The following CCDC148 variants were observed in gnomAD, a reference collection of about 807,000 sequenced individuals.
CCDC148 encodes coiled-coil domain-containing protein 148.
A neutral mutation model predicts 85.7 loss-of-function variants in CCDC148; 89 were observed. The ratio of observed to expected loss-of-function variants is 1.04; its 90% CI spans 0.87 to 1.24. The LOEUF is 1.24. Among genes scored for constraint, CCDC148 ranks in the 50% most tolerant of loss-of-function variants. The pLI, the probability that CCDC148 is intolerant of heterozygous loss-of-function variation, is 0.00. For missense variants in CCDC148, 692 were observed against 671.7 expected, an observed-to-expected ratio of 1.03 and a Z score of -0.33; for synonymous variants, 230 against 213.9, an observed-to-expected ratio of 1.08 and a Z score of -0.66.
intron 11 of CCDC148, among the ~76,000 whole-genome samples, chr2:158,202,320 T>C (rs1686009845): frequency 6.6e-6 from 1 of 152,166 alleles, no homozygotes; most frequent in Non-Finnish European, 1.5e-5. Context: ...TACATAAGGC[T>C]CTGAGTGTTA....
At chr2:158,387,634 T>C (rs1387102740) in intron 1 of CCDC148, among the ~76,000 whole-genome samples, 1 of 152,100 alleles carries the variant, frequency 6.6e-6, no homozygotes, top group Admixed American at 6.6e-5. Flanking sequence ...TTCCTCACTC[T>C]GACTCCCCAT....
rs370301211 is a variant in CCDC148 at position 158,242,633 on chromosome 2, G to GTTT, written c.1251+8136_1251+8138dup. On this transcript the variant is annotated intron_variant, in intron 10 of 13. Transcript: ENST00000283233. ...TTCCACATCTGCTACCCACTCTGTA[G>GTTT]TTTTTTTTTTTTTTTCTCCTTCCAC... 7.6e-3 allele frequency among the ~76,000 whole-genome samples: 1,063 copies of GTTT among 139,030 alleles called. 22 individuals are homozygous for GTTT. The highest frequency in any genetic ancestry group is 0.026 in the African/African-American group (995 of 37,714). 91.2% of individuals were successfully genotyped at this position (139,030 alleles called of 152,430 possible).
Position 158,281,876 on chromosome 2 carries a change from C to T in CCDC148, c.1110+27557G>A, listed in dbSNP as rs1182320978. 2.0e-5 allele frequency among the ~76,000 whole-genome samples: 3 copies of T among 152,214 alleles called. No homozygotes were observed. The East Asian group carries it at 5.8e-4, about 29-fold the overall frequency. On this transcript the variant is annotated intron_variant, in intron 9 of 13. Coordinates refer to ENST00000283233, the MANE Select transcript of CCDC148 (RefSeq NM_138803.4). ...TGATGAACATTGATGCAAAAATCCT[C>T]AATAAAATACTGGCAAACCGAATCC... is the stretch of plus-strand genomic sequence containing the variant.
At chr2:158,311,331 C>T (rs1422682816) in intron 8 of CCDC148, among the ~76,000 whole-genome samples, 2 of 152,158 alleles carry the variant, frequency 1.3e-5, no homozygotes, top group African/African-American at 2.4e-5. Context: ...ACCAGTCAGG[C>T]GTGGCGGCGC....
intron 1 of CCDC148, among the ~76,000 whole-genome samples, chr2:158,379,635 A>G (rs1574722597): frequency 6.6e-6 from 1 of 152,026 alleles, no homozygotes; most frequent in Non-Finnish European, 1.5e-5. Context: ...AGCTACCCCA[A>G]CCTTCCTCAG....
At chr2:158,185,580 G>C (rs988089748) in intron 11 of CCDC148, among the ~76,000 whole-genome samples, 1 of 152,046 alleles carries the variant, frequency 6.6e-6, no homozygotes, top group African/African-American at 2.4e-5. Context: ...CTGGAAGTGA[G>C]AGATACAAAC....
At chr2:158,345,024 T>C (rs778247474) in intron 3 of CCDC148, among the ~76,000 whole-genome samples, 191 bp downstream of exon 3, 1 of 152,140 alleles carries the variant, frequency 6.6e-6, no homozygotes, top group Non-Finnish European at 1.5e-5. Context: ...GCAAAAGCCA[T>C]ATTAATATAT....
At chr2:158,405,429 A>C (rs1439176041) in intron 1 of CCDC148, among the ~76,000 whole-genome samples, 1 of 152,176 alleles carries the variant, frequency 6.6e-6, no homozygotes, top group Non-Finnish European at 1.5e-5. Flanking sequence ...ACATTCAATA[A>C]GTCTAAATGA....
intron 3 of CCDC148, among the ~76,000 whole-genome samples, chr2:158,342,016 A>ATT (rs1559083849): frequency 9.7e-5 from 10 of 102,868 alleles, no homozygotes; most frequent in Non-Finnish European, 1.6e-4. Context: ...ACGTGTCATT[A>ATT]TTTTCTTTTC....
At chr2:158,255,298 A>G (rs1163680886) in intron 9 of CCDC148, among the ~76,000 whole-genome samples, 1 of 151,362 alleles carries the variant, frequency 6.6e-6, no homozygotes, top group Non-Finnish European at 1.5e-5. Flanking sequence ...GGTACCAGGA[A>G]AAAAAAAGGG....
intron 11 of CCDC148, among the ~76,000 whole-genome samples, chr2:158,197,859 A>C (rs1469194805): frequency 6.6e-6 from 1 of 152,092 alleles, no homozygotes; most frequent in Non-Finnish European, 1.5e-5. Flanking sequence ...AAAGGTAAAA[A>C]CCACTAAATG....
chr2:158,448,799 G>A (rs575802382), intron 1 of CCDC148, among the ~76,000 whole-genome samples: 1 of 151,938 alleles, frequency 6.6e-6, no homozygotes, highest in Admixed American at 6.6e-5. Context: ...ATTATAAGTG[G>A]AATTGGGTTT....
intron 1 of CCDC148, among the ~76,000 whole-genome samples, chr2:158,441,657 C>A (rs1165653622): frequency 6.6e-6 from 1 of 152,064 alleles, no homozygotes; most frequent in East Asian, 1.9e-4. Flanking sequence ...TTGACATATT[C>A]TTTTTGAGCT....
At chr2:158,352,708 T>A (rs1320661814) in intron 2 of CCDC148, among the ~76,000 whole-genome samples, 1 of 151,362 alleles carries the variant, frequency 6.6e-6, no homozygotes, top group African/African-American at 2.4e-5. Context: ...AATGTTCAGA[T>A]TCAGGAAATA....
At chr2:158,343,597 A>C (rs1472885926) in intron 3 of CCDC148, among the ~76,000 whole-genome samples, 2 of 152,160 alleles carry the variant, frequency 1.3e-5, no homozygotes, top group Non-Finnish European at 2.9e-5. Context: ...CCTGCCTGAG[A>C]TTCTTAAATG....
chr2:158,374,908 T>C (rs1460083815), intron 1 of CCDC148, among the ~76,000 whole-genome samples: 2 of 123,644 alleles, frequency 1.6e-5, no homozygotes, highest in African/African-American at 2.7e-5. Context: ...TTAAATCATC[T>C]CTAACTTATT....
chr2:158,188,548 G>A (rs1474780206), intron 11 of CCDC148, among the ~76,000 whole-genome samples: 1 of 151,746 alleles, frequency 6.6e-6, no homozygotes, highest in East Asian at 1.9e-4. Context: ...ATATGCAGAA[G>A]AACAAAACTG....
intron 9 of CCDC148, among the ~76,000 whole-genome samples, chr2:158,261,299 G>T (rs1451429657): frequency 1.3e-5 from 2 of 152,000 alleles, no homozygotes; most frequent in Non-Finnish European, 2.9e-5. Context: ...ACGGTGCTGG[G>T]ATAACTGGCT....
chr2:158,214,142 A>G (rs1431309452), intron 11 of CCDC148, among the ~76,000 whole-genome samples: 2 of 150,920 alleles, frequency 1.3e-5, no homozygotes, highest in African/African-American at 4.9e-5. Flanking sequence ...AAAAAAAAAA[A>G]AAGACAAAGA....
Sources: allele counts gnomAD v4.1 joint callset (sites outside exome capture counted in the v4.1 genomes callset), GRCh38; gene constraint gnomAD v4.1.1; transcripts MANE v1.5; gene names NCBI Gene and HGNC (gene_info 2026-07-23, HGNC 2026-07-21).